MAML3: variants seen among roughly 807,000 people sequenced by gnomAD.
MAML3 encodes mastermind-like protein 3.
Under a neutral mutation model 101.9 loss-of-function variants are expected in MAML3, and 27 were observed. That is an observed-to-expected ratio of 0.27 (90% CI 0.20 to 0.37). The LOEUF (loss-of-function observed/expected upper bound fraction) is 0.37. Among genes scored for constraint, MAML3 ranks in the 10% least tolerant of loss-of-function variants. MAML3 has a pLI of 1.00. For missense variants in MAML3, 1,316 were observed against 1,444.9 expected (o/e 0.91, Z 1.45); for synonymous variants, 501 against 555.9 (o/e 0.90, Z 1.39).
intron 2 of MAML3, among the ~76,000 whole-genome samples, chr4:139,765,867 A>G (rs1012703296): frequency 2.6e-5 from 4 of 152,152 alleles, no homozygotes; most frequent in African/African-American, 9.7e-5. Flanking sequence ...GCGTGCCTGT[A>G]GTCCCAGGTA....
chr4:139,880,661 A>C (rs1732200444), intron 2 of MAML3, among the ~76,000 whole-genome samples: 2 of 152,162 alleles, frequency 1.3e-5, no homozygotes, highest in African/African-American at 4.8e-5. Flanking sequence ...ACATGTGTAA[A>C]TTTTGTGTTA....
At chr4:140,083,343 C>T (rs1727893670) in intron 1 of MAML3, among the ~76,000 whole-genome samples, 1 of 152,208 alleles carries the variant, frequency 6.6e-6, no homozygotes, top group African/African-American at 2.4e-5. Context: ...ATAACTAATA[C>T]ATGGTTGCTG....
chr4:139,959,809 T>A (rs542592036), intron 1 of MAML3, among the ~76,000 whole-genome samples: 20 of 152,350 alleles, frequency 1.3e-4, no homozygotes, highest in Middle Eastern at 3.4e-3. Context: ...AATATTCCAT[T>A]TTTCTAATGC....
In MAML3 at chr4:139,864,923, C is replaced by CTTGTTTTTTTTTTT. The variant is rs56928318; in HGVS notation, c.2079+24433_2079+24434insAAAAAAAAAAACAA. Among the ~76,000 whole-genome samples the CTTGTTTTTTTTTTT allele has an allele frequency of 4.6e-4, 29 of 62,468 alleles. 11 individuals carry two copies. Among genetic ancestry groups the CTTGTTTTTTTTTTT allele is most frequent in the African/African-American group, 1.6e-3 (27 of 17,070 alleles). The allele number at this position is 62,468 out of a possible 152,430, so 41.0% of individuals were successfully genotyped here. A position where few individuals can be genotyped will look rare whatever the true frequency, so the allele number is the denominator to read the frequency against. On this transcript the variant is annotated intron_variant, in intron 2 of 4. Coordinates refer to ENST00000509479, the MANE Select transcript of MAML3 (RefSeq NM_018717.5). The stretch of plus-strand genomic sequence containing the variant: ...TTAGGAAAATAGTAATGCAAACTTG[C>CTTGTTTTTTTTTTT]TTTTTTTTTTTTTTTTTTTTTTTTT...
chr4:139,733,371 A>G (rs1019881474), intron 2 of MAML3, among the ~76,000 whole-genome samples: 2 of 152,136 alleles, frequency 1.3e-5, no homozygotes, highest in South Asian at 4.1e-4. Context: ...ACTTTGAGAT[A>G]TGCTTGTCCT....
At chr4:140,048,129 CT>C (rs947180647) in intron 1 of MAML3, among the ~76,000 whole-genome samples, 2 of 152,114 alleles carry the variant, frequency 1.3e-5, no homozygotes, top group Non-Finnish European at 2.9e-5. Context: ...CTAATGATCA[CT>C]TTTCTGTGTG....
intron 1 of MAML3, among the ~76,000 whole-genome samples, chr4:140,026,266 T>C (rs1169967221): frequency 2.0e-5 from 3 of 152,154 alleles, no homozygotes; most frequent in African/African-American, 7.2e-5. Context: ...TACTTATATA[T>C]ATTTTTGAGA....
At chr4:139,974,218 G>T (rs1441927573) in intron 1 of MAML3, among the ~76,000 whole-genome samples, 2 of 150,014 alleles carry the variant, frequency 1.3e-5, no homozygotes, top group Non-Finnish European at 3.0e-5. Context: ...CCATTCTCTT[G>T]CCTCAGCCTC....
chr4:139,797,530 G>C (rs749229979), intron 2 of MAML3, among the ~76,000 whole-genome samples: 13 of 152,128 alleles, frequency 8.5e-5, no homozygotes, highest in African/African-American at 1.9e-4. Flanking sequence ...TTGGTGGAAG[G>C]GGGTGTTCTC....
At chr4:140,087,130 A>C (rs1485093415) in intron 1 of MAML3, among the ~76,000 whole-genome samples, 1 of 152,258 alleles carries the variant, frequency 6.6e-6, no homozygotes, top group Admixed American at 6.5e-5. Context: ...ATTGCATTCC[A>C]GCTTGGGCAA....
intron 2 of MAML3, among the ~76,000 whole-genome samples, chr4:139,832,715 A>AT (rs1491467247): frequency 4.6e-5 from 7 of 152,204 alleles, no homozygotes; most frequent in Admixed American, 1.3e-4. Context: ...CTTAAAAAAA[A>AT]TTTTTTTAAG....
At chr4:140,018,758 G>A (rs1215108507) in intron 1 of MAML3, among the ~76,000 whole-genome samples, 2 of 152,096 alleles carry the variant, frequency 1.3e-5, no homozygotes, top group East Asian at 3.8e-4. Context: ...TTAGTTTAAT[G>A]TTTTGTATAT....
intron 2 of MAML3, among the ~76,000 whole-genome samples, chr4:139,883,307 A>T (rs1035944830): frequency 6.6e-6 from 1 of 152,226 alleles, no homozygotes; most frequent in African/African-American, 2.4e-5. Flanking sequence ...AGAAAAGTTT[A>T]AGGATGGATC....
At chr4:139,879,518 T>C (rs1578643893) in intron 2 of MAML3, among the ~76,000 whole-genome samples, 2 of 105,712 alleles carry the variant, frequency 1.9e-5, no homozygotes, top group South Asian at 3.6e-4. Flanking sequence ...AAAGTGAGGC[T>C]CTGACTGAAA....
At chr4:139,724,512 G>T (rs1728387398) in intron 4 of MAML3, among the ~76,000 whole-genome samples, 1 of 152,170 alleles carries the variant, frequency 6.6e-6, no homozygotes, top group Non-Finnish European at 1.5e-5. Context: ...AGGGATACTT[G>T]TGAAATTATA....
chr4:139,852,317 T>C (rs1578630996), intron 2 of MAML3, among the ~76,000 whole-genome samples: 1 of 150,266 alleles, frequency 6.7e-6, no homozygotes. Flanking sequence ...GTAAAAGACA[T>C]AGAAAGCACC....
chr4:139,735,854 G>A lies in MAML3; in HGVS notation c.2080-5187C>T, dbSNP rs1728919608. Reference sequence around the variant, plus strand: ...ACGAGGCGGTCCCGGGCGCGGGCAGGGGCGGTGCGGCGGCGCTCGGGAGAC... The same window carrying A: ...ACGAGGCGGTCCCGGGCGCGGGCAGAGGCGGTGCGGCGGCGCTCGGGAGAC... On this transcript the variant is annotated intron_variant, in intron 2 of 4. Coordinates refer to ENST00000509479, the MANE Select transcript of MAML3 (RefSeq NM_018717.5). The surrounding 1 kb of genome is among the most constrained non-coding windows in gnomAD (Gnocchi z 5.8). 6.6e-6 allele frequency among the ~76,000 whole-genome samples: 1 copy of A among 152,018 alleles called. No individual in the cohort carries two copies. The highest frequency in any genetic ancestry group is 1.9e-4 in the East Asian group (1 of 5,156).
intron 2 of MAML3, among the ~76,000 whole-genome samples, chr4:139,752,479 G>A (rs1296663336): frequency 6.6e-6 from 1 of 152,108 alleles, no homozygotes; most frequent in South Asian, 2.1e-4. Flanking sequence ...CCTATGAAAA[G>A]GGGGTGAGTG....
Position 139,889,699 on chromosome 4 carries a change from A to G in MAML3, c.1737T>C (p.Asn579=), listed in dbSNP as rs780664628. The change falls in exon 2 of 5, where the codon AAT becomes AAC. Residue 579 remains asparagine (N), a synonymous_variant. Coordinates refer to ENST00000509479, the MANE Select transcript of MAML3 (RefSeq NM_018717.5). Reference sequence around the variant, plus strand: ...TTGTACCCAAGTTATTTGGCTGCTGATTGATCATATTCATGTGATTCTGAG... The same window carrying G: ...TTGTACCCAAGTTATTTGGCTGCTGGTTGATCATATTCATGTGATTCTGAG... The part of the protein sequence containing the change: ...YLPQNHMNMI[N]QQPNNLGTNS... The G allele has an allele frequency of 2.3e-5, 37 of 1,613,818 alleles. No individual in the cohort carries two copies. The highest frequency in any genetic ancestry group is 3.0e-5 in the Non-Finnish European group (35 of 1,179,896).
Sources: allele counts gnomAD v4.1 joint callset (sites outside exome capture counted in the v4.1 genomes callset), GRCh38; gene constraint gnomAD v4.1.1; non-coding constraint Gnocchi (gnomAD v3.1); transcripts MANE v1.5; gene names NCBI Gene and HGNC (gene_info 2026-07-23, HGNC 2026-07-21).